Variants in HSF1 observed in about 807,000 individuals in gnomAD.
HSF1 encodes heat shock factor protein 1.
In HSF1, 32 loss-of-function variants were observed where a neutral mutation model predicts 51.7. That is an observed-to-expected ratio of 0.62 (90% CI 0.47 to 0.83). HSF1 has a LOEUF of 0.83. HSF1 is among the 40% of genes least tolerant of loss of function. The probability of loss-of-function intolerance (pLI) is 0.00; values close to 1 mark genes in which losing one functional copy is unlikely to be tolerated. For synonymous variants in HSF1, 396 were observed against 309.7 expected (o/e 1.28, Z -2.92); for missense variants, 727 against 717.0 (o/e 1.01, Z -0.16).
Position 144,311,600 on chromosome 8 carries a change from C to G in HSF1, c.722C>G (p.Ser241Trp). The change falls in exon 7 of 13, where the codon TCG (serine) becomes TGG (tryptophan). Residue 241 changes from serine (S) to tryptophan (W), a missense_variant and splice_region_variant. Physicochemically the swap from Ser to Trp is radical, Grantham distance 177 (BLOSUM62 -3). Around this residue, in one of 2 missense-constraint regions of HSF1, gnomAD observed 470 missense variants for 398.8 expected, o/e 1.18. Transcript: ENST00000528838. Reference protein sequence around the residue: ...LEHVHGSGPYSAPSPAYSSSS... With the variant: ...LEHVHGSGPYWAPSPAYSSSS... Reference sequence around the variant, plus strand: ...CACGTCCACGGCTCGGGCCCCTACTCGGTGAGTGCCGGAGACAGGGCACCC... The same window carrying G: ...CACGTCCACGGCTCGGGCCCCTACTGGGTGAGTGCCGGAGACAGGGCACCC... The G allele has an allele frequency of 6.2e-7, 1 of 1,613,306 alleles. No individual in the cohort carries two copies. The highest frequency in any genetic ancestry group is 1.1e-5 in the South Asian group (1 of 91,082).
intron 1 of HSF1, among the ~76,000 whole-genome samples, chr8:144,298,871 G>A (rs369614679): frequency 2.2e-4 from 33 of 152,342 alleles, no homozygotes; most frequent in East Asian, 1.3e-3. Flanking sequence ...GTGAAACCTC[G>A]TGGAGCTGGA....
chr8:144,309,354 C>A, intron 2 of HSF1, 101 bp from the exon 3 acceptor site: 1 of 1,533,798 alleles, frequency 6.5e-7, no homozygotes, highest in Non-Finnish European at 8.9e-7. Flanking sequence ...CAGGGTCTGA[C>A]CATGGCCAAG....
At chr8:144,298,688 A>C (rs1554841760) in intron 1 of HSF1, among the ~76,000 whole-genome samples, 1 of 152,220 alleles carries the variant, frequency 6.6e-6, no homozygotes, top group Non-Finnish European at 1.5e-5. Context: ...GGGAATTTGC[A>C]GACTCACGTG....
At chr8:144,294,968 A>G (rs1401728540) in intron 1 of HSF1, among the ~76,000 whole-genome samples, 1 of 152,074 alleles carries the variant, frequency 6.6e-6, no homozygotes, top group African/African-American at 2.4e-5. Context: ...GCTTCTCCCA[A>G]AGGTACACCT....
At chr8:144,304,678 G>A (rs532018116) in intron 1 of HSF1, among the ~76,000 whole-genome samples, 1 of 151,868 alleles carries the variant, frequency 6.6e-6, no homozygotes, top group Non-Finnish European at 1.5e-5. Context: ...ATGGAGTCTC[G>A]CTCTGTCACC....
rs149980048 is a variant in HSF1, at chr8:144,294,828, C to T, written c.117+2954C>T. Among the ~76,000 whole-genome samples, 58 of 152,050 alleles carry T rather than the reference C, an allele frequency of 3.8e-4. 1 individual carries two copies. The highest frequency in any genetic ancestry group is 1.3e-3 in the African/African-American group (56 of 41,504). On this transcript the variant is annotated intron_variant, in intron 1 of 12. Transcript: ENST00000528838. ...CACACAGGCAAGGGCCTTGAGGGGA[C>T]CCAGCAAGTCGTGGAGGACAGCACA... is the stretch of plus-strand genomic sequence containing the variant.
intron 10 of HSF1, 31 bp downstream of exon 10, chr8:144,313,647 GCC>G (rs782230678): frequency 6.1e-6 from 2 of 328,650 alleles, no homozygotes; most frequent in Admixed American, 5.4e-5. Context: ...CCGCCTCCCC[GCC>G]CCGCCTCCCC....
chr8:144,295,888 C>A (rs1238853679), intron 1 of HSF1, among the ~76,000 whole-genome samples: 1 of 152,178 alleles, frequency 6.6e-6, no homozygotes, highest in Non-Finnish European at 1.5e-5. Context: ...TAAGACCTAC[C>A]TGCATTCGGA....
chr8:144,306,917 CTG>C (rs530083499), intron 1 of HSF1, among the ~76,000 whole-genome samples: 100 of 148,844 alleles, frequency 6.7e-4, no homozygotes, highest in Non-Finnish European at 7.9e-4. Context: ...TTTCCGGGGG[CTG>C]TGTGTGTGTG....
chr8:144,299,870 C>T (rs1040619574), intron 1 of HSF1, among the ~76,000 whole-genome samples: 4 of 152,176 alleles, frequency 2.6e-5, no homozygotes, highest in Admixed American at 6.5e-5. Context: ...GATCGTGCCA[C>T]TGCACTCCAG....
At chr8:144,302,011 C>G (rs1815919852) in intron 1 of HSF1, among the ~76,000 whole-genome samples, 1 of 151,212 alleles carries the variant, frequency 6.6e-6, no homozygotes, top group South Asian at 2.2e-4. Context: ...ACTAAAAATA[C>G]AAAAACTAGC....
At chr8:144,306,415 C>T (rs1220690421) in intron 1 of HSF1, among the ~76,000 whole-genome samples, 2 of 151,472 alleles carry the variant, frequency 1.3e-5, no homozygotes, top group Admixed American at 6.6e-5. Context: ...CAGGCTGGAG[C>T]GCAGTAGTTC....
chr8:144,314,014 C>A lies in HSF1; in HGVS notation c.1344C>A (p.Pro448=), dbSNP rs1554845958. ...SIQELLSPQE[P]PRPPEAENSS... is the part of the protein sequence containing the mutation. ...AAGAGCTCCTGTCTCCCCAGGAGCC[C>A]CCCAGGCCTCCCGAGGCAGAGAACA... The change falls in exon 12 of 13, where the codon CCC becomes CCA. Residue 448 remains proline (P), a synonymous_variant. Transcript: ENST00000528838. 3.7e-6 allele frequency: 6 copies of A among 1,610,928 alleles called. No homozygotes were observed. The South Asian group carries it at 5.5e-5, about 15-fold the overall frequency.
intron 1 of HSF1, among the ~76,000 whole-genome samples, chr8:144,301,949 T>C (rs1815916540): frequency 6.6e-6 from 1 of 150,520 alleles, no homozygotes; most frequent in Admixed American, 6.6e-5. Flanking sequence ...GTGGAAGGAT[T>C]GCTCCCAGAT....
At chr8:144,311,027 C>T in intron 4 of HSF1, 147 bp from the exon 5 acceptor site, 1 of 725,026 alleles carries the variant, frequency 1.4e-6, no homozygotes, top group South Asian at 1.8e-5. Flanking sequence ...TCCCTCCACA[C>T]ACAAGTTCTC....
intron 1 of HSF1, among the ~76,000 whole-genome samples, chr8:144,300,445 C>T (rs533248404): frequency 6.6e-6 from 1 of 152,014 alleles, no homozygotes; most frequent in Non-Finnish European, 1.5e-5. Flanking sequence ...TCTCAATCTC[C>T]TGACCTCGTG....
At chr8:144,307,119 G>A (rs1256342449) in intron 1 of HSF1, among the ~76,000 whole-genome samples, 1 of 152,218 alleles carries the variant, frequency 6.6e-6, no homozygotes, top group Non-Finnish European at 1.5e-5. Context: ...ATATCTCAGA[G>A]CTTTTCAGAG....
At chr8:144,293,986 G>C (rs1475370624) in intron 1 of HSF1, among the ~76,000 whole-genome samples, 2 of 151,906 alleles carry the variant, frequency 1.3e-5, no homozygotes, top group Non-Finnish European at 2.9e-5. Flanking sequence ...AGGCAGGTGT[G>C]ATGAGGCCCG....
At chr8:144,311,870 C>G (rs1816690356) in intron 8 of HSF1, 34 bp downstream of exon 8, 1 of 1,588,158 alleles carries the variant, frequency 6.3e-7, no homozygotes, top group African/African-American at 1.3e-5. Flanking sequence ...ATCCTGTCCC[C>G]CAATGAGGCG....
Sources: gnomAD v4.1 joint callset for allele counts (sites outside exome capture counted in the v4.1 genomes callset) on GRCh38, gnomAD v4.1.1 for gene constraint, gnomAD v4.1.1 regional missense constraint, MANE v1.5 for transcripts, NCBI Gene and HGNC (gene_info 2026-07-23, HGNC 2026-07-21) for gene names.